The following ZSCAN18 variants were observed in gnomAD, a reference collection of about 807,000 sequenced individuals.
The protein encoded by ZSCAN18 is zinc finger and SCAN domain containing 18.
A neutral mutation model predicts 31.1 loss-of-function variants in ZSCAN18; 16 were observed. The observed-to-expected ratio is 0.51, with a 90% CI of 0.35 to 0.78. ZSCAN18 has a LOEUF of 0.78. ZSCAN18 is among the 30% of genes least tolerant of loss of function. The pLI is 0.01. For synonymous variants in ZSCAN18, 375 were observed against 320.7 expected (o/e 1.17, Z -1.81); for missense variants, 731 against 697.4 (o/e 1.05, Z -0.54).
Position 58,086,162 on chromosome 19 carries a change from A to T in ZSCAN18, c.838+12T>A. 1.2e-6 allele frequency: 2 copies of T among 1,613,698 alleles called. No individual in the cohort carries two copies. The highest frequency in any genetic ancestry group is 1.7e-6 in the Non-Finnish European group (2 of 1,179,698). ...CCCACCCGGCCCTAACACCAATTCA[A>T]CCCAACCTCACCTGGGAGGCTGCTT... On this transcript the variant is annotated intron_variant, in intron 6 of 6. Transcript: ENST00000601144.
Position 58,086,957 on chromosome 19 carries a change from G to C in ZSCAN18, c.694C>G (p.Leu232Val). 6.2e-7 allele frequency: 1 copy of C among 1,614,016 alleles called. No individual in the cohort carries two copies. Among genetic ancestry groups the C allele is most frequent in the Non-Finnish European group, 8.5e-7 (1 of 1,180,010 alleles). ...TTCAGGTTCTCCTCGGCAGGGTCCA[G>C]GTGGCCCCACTCCCCCAGGTGCTGA... ...DPQHLGEWGH[L>V]DPAEENLKSY... is the part of the protein sequence containing the mutation. Residue 232 changes from leucine (L) to valine (V), a missense_variant, in exon 5 of 7, where the codon CTG (leucine) becomes GTG (valine). This residue lies in a region of ZSCAN18 where 597 missense variants were observed against 499.5 expected (regional missense o/e 1.20). Transcript: ENST00000601144.
At chr19:58,086,830 G>C in intron 5 of ZSCAN18, 76 bp downstream of exon 5, 1 of 1,120,688 alleles carries the variant, frequency 8.9e-7, no homozygotes, top group Non-Finnish European at 1.3e-6. Context: ...AAGTCCCTGG[G>C]GTCACAGTCT....
At chr19:58,099,691 G>T (rs2074576069), upstream of ZSCAN18, among the ~76,000 whole-genome samples, 1 of 152,122 alleles carries the variant, frequency 6.6e-6, no homozygotes, top group Non-Finnish European at 1.5e-5. Flanking sequence ...AGAGTAGCTG[G>T]ACCATTTTAC....
upstream of ZSCAN18, among the ~76,000 whole-genome samples, chr19:58,103,138 T>C (rs1025285026): frequency 6.6e-6 from 1 of 151,438 alleles, no homozygotes; most frequent in African/African-American, 2.4e-5. Flanking sequence ...AATAAAAAAA[T>C]AAAAAAAGGC....
intron 1 of ZSCAN18, among the ~76,000 whole-genome samples, chr19:58,104,527 C>G (rs55646391): frequency 0.066 from 10,090 of 151,758 alleles, 1,135 homozygotes; most frequent in African/African-American, 0.23. Flanking sequence ...GGCGAAACCC[C>G]ATCTCTGCTA....
rs375383711 is a variant in ZSCAN18 at position 58,092,622 on chromosome 19, T to C, written c.-119-2236A>G. On this transcript the variant is annotated intron_variant, in intron 1 of 6. Transcript: ENST00000601144. Reference sequence around the variant, plus strand: ...AACCAGAAGTTTGCAGAGAGTCAACTATCAACCTCTCTCTCTGTGGCTACC... The same window carrying C: ...AACCAGAAGTTTGCAGAGAGTCAACCATCAACCTCTCTCTCTGTGGCTACC... 11 of 625,874 alleles carry C rather than the reference T, an allele frequency of 1.8e-5. No individual in the cohort carries two copies. The African/African-American group carries it at 1.8e-4, about 10-fold the overall frequency. 38.8% of individuals were successfully genotyped at this position (625,874 alleles called of 1,614,324 possible).
intron 1 of ZSCAN18, among the ~76,000 whole-genome samples, chr19:58,094,368 G>A (rs76603935): frequency 0.15 from 21,826 of 150,358 alleles, 1,875 homozygotes; most frequent in East Asian, 0.32. Context: ...CCGAGATCGC[G>A]CCACTGCACT....
In ZSCAN18 at chr19:58,085,751, G is replaced by C. The variant is rs569772526; in HGVS notation, c.839-372C>G. 1.8e-5 allele frequency: 6 copies of C among 324,430 alleles called. No homozygotes were observed. In the Admixed American group the frequency reaches 2.7e-4, roughly 15 times the overall value. The allele number at this position is 324,430 out of a possible 1,614,324, so 20.1% of individuals were successfully genotyped here. ...AGAGCGCACCCTCCTGGAGGGAGGGGCCCGGCTGCCAGCGAAGAGAGTGGG... is the reference window on the plus strand; with the variant it reads ...AGAGCGCACCCTCCTGGAGGGAGGGCCCCGGCTGCCAGCGAAGAGAGTGGG... On this transcript the variant is annotated intron_variant, in intron 6 of 6. Coordinates refer to ENST00000601144, the MANE Select transcript of ZSCAN18 (RefSeq NM_001145543.2).
upstream of ZSCAN18, among the ~76,000 whole-genome samples, chr19:58,100,964 T>A (rs2074588372): frequency 6.6e-6 from 1 of 152,204 alleles, no homozygotes; most frequent in Non-Finnish European, 1.5e-5. Flanking sequence ...CTATCTTTCC[T>A]GCATTGAATA....
intron 1 of ZSCAN18, among the ~76,000 whole-genome samples, chr19:58,112,053 G>C (rs1206340143): frequency 6.6e-6 from 1 of 151,830 alleles, no homozygotes; most frequent in Non-Finnish European, 1.5e-5. Context: ...TTTTGTTTTT[G>C]AGACCAGGTC....
At chr19:58,094,374 G>A (rs2074479899) in intron 1 of ZSCAN18, among the ~76,000 whole-genome samples, 1 of 150,612 alleles carries the variant, frequency 6.6e-6, no homozygotes, top group African/African-American at 2.4e-5. Flanking sequence ...TCGCGCCACT[G>A]CACTCCAGCC....
At chr19:58,105,328 A>T (rs2146021354) in intron 1 of ZSCAN18, among the ~76,000 whole-genome samples, 1 of 152,328 alleles carries the variant, frequency 6.6e-6, no homozygotes, top group East Asian at 1.9e-4. Context: ...CAGCCCATGG[A>T]CCAAGGAGTA....
At chr19:58,093,818 T>G (rs759426010) in intron 1 of ZSCAN18, among the ~76,000 whole-genome samples, 10 of 151,944 alleles carry the variant, frequency 6.6e-5, no homozygotes, top group Non-Finnish European at 1.0e-4. Flanking sequence ...CACGCTGGAG[T>G]GCTGTGGCAC....
chr19:58,098,051 C>A (rs1229747296), intron 1 of ZSCAN18, 123 bp downstream of exon 1: 18 of 985,562 alleles, frequency 1.8e-5, no homozygotes, highest in Non-Finnish European at 2.2e-5. Context: ...AGCGGGGGCT[C>A]GCACCCCAAC....
upstream of ZSCAN18, chr19:58,098,363 C>A: frequency 9.1e-6 from 9 of 985,502 alleles, no homozygotes; most frequent in Non-Finnish European, 1.1e-5. Flanking sequence ...CAATCAGACG[C>A]GAGTGTGGCC....
At position 58,088,985 on chromosome 19, in the gene ZSCAN18, G is replaced by A. The variant is rs2074344475; in HGVS notation, c.404-148C>T. 4.1e-6 allele frequency: 3 copies of A among 725,762 alleles called. No homozygotes were observed. The Admixed American group carries it at 9.0e-5, about 22-fold the overall frequency. The allele number at this position is 725,762 out of a possible 1,614,324, so 45.0% of individuals were successfully genotyped here. A position where few individuals can be genotyped will look rare whatever the true frequency, so the allele number is the denominator to read the frequency against. ...TCTTGGACCAGGAGACCTCCAGCCT[G>A]CAAAGTACCCAGAATATTTACTGTT... is the stretch of plus-strand genomic sequence containing the variant. On this transcript the variant is annotated intron_variant, in intron 2 of 6. Coordinates refer to ENST00000601144, the MANE Select transcript of ZSCAN18 (RefSeq NM_001145543.2).
chr19:58,108,137 G>C (rs1013758638), intron 1 of ZSCAN18: 1 of 987,138 alleles, frequency 1.0e-6, no homozygotes, highest in African/African-American at 1.7e-5. Flanking sequence ...AGAGCTGACT[G>C]TTGTGGTTGG....
chr19:58,098,179 GCGCAGCTAC>G lies in ZSCAN18; in HGVS notation c.-134_-126del. ...CATCCCCGGGACCGACCCACCTGCT[GCGCAGCTAC>G]CCCAGGCCGGTCCCAGCCGCCCGGA... On this transcript the variant is annotated 5_prime_UTR_variant, in exon 1 of 7. Transcript: ENST00000601144. The G allele has an allele frequency of 2.0e-6, 2 of 985,558 alleles. No homozygotes were observed. Among genetic ancestry groups the G allele is most frequent in the South Asian group, 9.4e-5 (2 of 21,292 alleles). The allele number at this position is 985,558 out of a possible 1,614,324, so 61.1% of individuals were successfully genotyped here. A position where few individuals can be genotyped will look rare whatever the true frequency, so the allele number is the denominator to read the frequency against.
intron 3 of ZSCAN18, 33 bp downstream of exon 3, chr19:58,088,655 C>T (rs1467830466): frequency 2.5e-6 from 4 of 1,598,742 alleles, no homozygotes; most frequent in African/African-American, 1.3e-5. Context: ...ACCTAAGGCC[C>T]AGCAGAGGCT....
Sources: gnomAD v4.1 joint callset for allele counts (sites outside exome capture counted in the v4.1 genomes callset) on GRCh38, gnomAD v4.1.1 for gene constraint, gnomAD v4.1.1 regional missense constraint, MANE v1.5 for transcripts, NCBI Gene and HGNC (gene_info 2026-07-23, HGNC 2026-07-21) for gene names.